Variants in MED13L observed in about 807,000 individuals in gnomAD.
MED13L encodes mediator of RNA polymerase II transcription subunit 13-like.
Under a neutral mutation model 220.9 loss-of-function variants are expected in MED13L, and 7 were observed. The observed-to-expected ratio is 0.03, with a 90% CI of 0.02 to 0.06. The LOEUF is 0.06. Among genes scored for constraint, MED13L ranks in the 10% least tolerant of loss-of-function variants. MED13L has a pLI of 1.00. For synonymous variants in MED13L, 1,011 were observed against 1,015.2 expected (o/e 1.00, Z 0.08); for missense variants, 1,965 against 2,760.5 (o/e 0.71, Z 6.46).
chr12:116,027,482 G>A (rs375394639), intron 4 of MED13L, among the ~76,000 whole-genome samples: 15 of 152,184 alleles, frequency 9.9e-5, no homozygotes, highest in African/African-American at 3.1e-4. Context: ...GGAATGAAAC[G>A]GCATGACTAA....
chr12:116,240,699 G>T (rs1250747647), intron 1 of MED13L, among the ~76,000 whole-genome samples: 2 of 151,480 alleles, frequency 1.3e-5, no homozygotes, highest in Non-Finnish European at 2.9e-5. Flanking sequence ...ACCGCGCCCG[G>T]CTAATTTTTT....
intron 28 of MED13L, among the ~76,000 whole-genome samples, chr12:115,967,965 C>G (rs1283475934): frequency 6.6e-6 from 1 of 151,408 alleles, no homozygotes; most frequent in Non-Finnish European, 1.5e-5. Flanking sequence ...GAGATGCCCT[C>G]CTCTGGTCTT....
chr12:116,122,459 A>T (rs927246159), intron 2 of MED13L, among the ~76,000 whole-genome samples: 1 of 152,170 alleles, frequency 6.6e-6, no homozygotes, highest in African/African-American at 2.4e-5. Context: ...ATCAACTTCA[A>T]CCTATTTAGA....
chr12:116,159,652 T>C (rs1477609061), intron 2 of MED13L, among the ~76,000 whole-genome samples: 1 of 152,206 alleles, frequency 6.6e-6, no homozygotes, highest in Non-Finnish European at 1.5e-5. Context: ...TTTTGTAAGC[T>C]GTTTGTCAAA....
At chr12:116,027,559 AAAGCAATGTGAAGGC>A (rs909949150) in intron 4 of MED13L, among the ~76,000 whole-genome samples, 1 of 152,218 alleles carries the variant, frequency 6.6e-6, no homozygotes, top group Non-Finnish European at 1.5e-5. Flanking sequence ...TGTCACACAG[AAAGCAATGTGAAGGC>A]AAGATCTGAG....
intron 3 of MED13L, among the ~76,000 whole-genome samples, chr12:116,103,929 T>G (rs1873314375): frequency 1.3e-5 from 2 of 150,922 alleles, no homozygotes; most frequent in South Asian, 4.2e-4. Context: ...ACTAGGGCGG[T>G]ACATCCCACC....
intron 7 of MED13L, among the ~76,000 whole-genome samples, chr12:116,018,396 T>C (rs1175660560): frequency 6.6e-6 from 1 of 152,226 alleles, no homozygotes; most frequent in Non-Finnish European, 1.5e-5. Flanking sequence ...TCATGAGGAT[T>C]ACGTATGTAT....
chr12:116,066,511 T>G (rs1355957134), intron 4 of MED13L, among the ~76,000 whole-genome samples: 1 of 152,196 alleles, frequency 6.6e-6, no homozygotes, highest in African/African-American at 2.4e-5. Context: ...ACTTCATTAT[T>G]GTGCTACTTT....
intron 19 of MED13L, among the ~76,000 whole-genome samples, chr12:115,984,861 G>C (rs1161936135): frequency 6.6e-6 from 1 of 151,378 alleles, no homozygotes; most frequent in Non-Finnish European, 1.5e-5. Context: ...TGAGTATGCT[G>C]ATCGCCTTTT....
chr12:116,227,971 C>G (rs561732177), intron 2 of MED13L, among the ~76,000 whole-genome samples: 2 of 151,890 alleles, frequency 1.3e-5, no homozygotes, highest in South Asian at 4.2e-4. Flanking sequence ...ATTACAAGTG[C>G]TACTCCAGCA....
intron 4 of MED13L, among the ~76,000 whole-genome samples, chr12:116,063,658 A>G (rs1303381692): frequency 6.6e-6 from 1 of 152,166 alleles, no homozygotes; most frequent in East Asian, 1.9e-4. Flanking sequence ...AAGCCTTAAG[A>G]CTCATCAGGC....
At chr12:116,073,452 C>T (rs1014910201) in intron 4 of MED13L, among the ~76,000 whole-genome samples, 1 of 152,168 alleles carries the variant, frequency 6.6e-6, no homozygotes, top group Non-Finnish European at 1.5e-5. Context: ...TTACTATTCT[C>T]TCATTCAATC....
At chr12:115,993,638 TTACTC>T (rs1294107867) in intron 16 of MED13L, among the ~76,000 whole-genome samples, 2 of 152,138 alleles carry the variant, frequency 1.3e-5, no homozygotes, top group Non-Finnish European at 2.9e-5. Flanking sequence ...ATAACGATCT[TTACTC>T]TAACTGGACT....
chr12:116,060,847 G>A (rs1176690528), intron 4 of MED13L, among the ~76,000 whole-genome samples: 1 of 152,004 alleles, frequency 6.6e-6, no homozygotes, highest in Admixed American at 6.6e-5. Flanking sequence ...TTTGACTTTT[G>A]CTAAATTAAT....
chr12:116,006,089 G>A lies in MED13L; in HGVS notation c.2345-96C>T, dbSNP rs1051857425. On this transcript the variant is annotated intron_variant, in intron 12 of 30. Transcript: ENST00000281928. ...GGATCTCAATGAACATGACCTGCCT[G>A]TGAGTTTTTCCCTATGGTTTTAGTT... 2.0e-6 allele frequency: 3 copies of A among 1,531,108 alleles called. No homozygotes were observed. The African/African-American group carries it at 4.1e-5, about 21-fold the overall frequency. The allele number at this position is 1,531,108 out of a possible 1,614,324, so 94.8% of individuals were successfully genotyped here.
At chr12:116,133,284 T>C (rs568932652) in intron 2 of MED13L, among the ~76,000 whole-genome samples, 3 of 152,346 alleles carry the variant, frequency 2.0e-5, no homozygotes, top group African/African-American at 7.2e-5. Flanking sequence ...GTACTTTCTC[T>C]TGCAACACTT....
rs549843613 is a variant in MED13L at position 116,038,649 on chromosome 12, C to T, written c.480-16048G>A. Among the ~76,000 whole-genome samples the T allele has an allele frequency of 1.3e-5, 2 of 148,694 alleles. 1 individual carries two copies. The highest frequency in any genetic ancestry group is 4.2e-4 in the South Asian group (2 of 4,712). ...CTGGCTCACAGTGGGAGAAATGACC[C>T]GCCAAAAGAGTGTAAAACAGATGGA... On this transcript the variant is annotated intron_variant, in intron 4 of 30. Coordinates refer to ENST00000281928, the MANE Select transcript of MED13L (RefSeq NM_015335.5).
chr12:116,091,736 A>T (rs1872232517), intron 4 of MED13L, among the ~76,000 whole-genome samples: 1 of 152,232 alleles, frequency 6.6e-6, no homozygotes, highest in African/African-American at 2.4e-5. Context: ...TATAGTCACC[A>T]TGACTACATA....
At chr12:116,168,331 C>CG (rs1565909746) in intron 2 of MED13L, among the ~76,000 whole-genome samples, 9 of 120,340 alleles carry the variant, frequency 7.5e-5, no homozygotes, top group Non-Finnish European at 1.5e-4. Flanking sequence ...ATTTTTCTGG[C>CG]AAAAAAAAAA....
Sources: allele counts gnomAD v4.1 joint callset (sites outside exome capture counted in the v4.1 genomes callset), GRCh38; gene constraint gnomAD v4.1.1; transcripts MANE v1.5; gene names NCBI Gene and HGNC (gene_info 2026-07-23, HGNC 2026-07-21).